AKAP14: variants seen among roughly 807,000 people sequenced by gnomAD.
The protein encoded by AKAP14 is A-kinase anchor protein 14.
Under a neutral mutation model 17.0 loss-of-function variants are expected in AKAP14, and 4 were observed. The ratio of observed to expected loss-of-function variants is 0.23; its 90% confidence interval spans 0.12 to 0.54. AKAP14 has a LOEUF of 0.54. AKAP14 is among the 20% of genes least tolerant of loss of function. AKAP14 has a pLI of 0.95. For missense variants in AKAP14, 129 were observed against 150.9 expected, an observed-to-expected ratio of 0.85 and a Z score of 0.76; for synonymous variants, 42 against 51.3, an observed-to-expected ratio of 0.82 and a Z score of 0.77.
intron 2 of AKAP14, among the ~76,000 whole-genome samples, chrX:119,900,196 G>A (rs764686596): frequency 1.8e-5 from 2 of 111,055 alleles, no homozygotes; most frequent in Non-Finnish European, 3.8e-5. Flanking sequence ...AGATTCAAGC[G>A]ATTCTCCTGC....
chrX:119,918,761 G>A lies in AKAP14; in HGVS notation c.442-1150G>A, dbSNP rs150494219. Among the ~76,000 whole-genome samples, 933 of 112,057 alleles carry A rather than the reference G, an allele frequency of 8.3e-3. 13 individuals are homozygous for A. The highest frequency in any genetic ancestry group is 0.029 in the African/African-American group (894 of 30,986). On this transcript the variant is annotated intron_variant, in intron 5 of 6. Coordinates refer to ENST00000371431, the MANE Select transcript of AKAP14 (RefSeq NM_178813.6). Reference sequence around the variant, plus strand: ...CATCCATGAATCTAGGGGAAGGGTCGTCAGAGGAGCAGGGCTGGTACCAAG... The same window carrying A: ...CATCCATGAATCTAGGGGAAGGGTCATCAGAGGAGCAGGGCTGGTACCAAG...
intron 4 of AKAP14, among the ~76,000 whole-genome samples, chrX:119,909,697 G>A (rs2056617377): frequency 9.2e-6 from 1 of 109,057 alleles, no homozygotes; most frequent in African/African-American, 3.3e-5. Flanking sequence ...GAGGTCAGGA[G>A]TTCAAGACCA....
chrX:119,916,776 C>T (rs1403085485), intron 5 of AKAP14, among the ~76,000 whole-genome samples: 2 of 96,682 alleles, frequency 2.1e-5, no homozygotes. Flanking sequence ...GCTGGGATTA[C>T]AAGCGTGAGC....
chrX:119,897,327 T>G (rs1412115884), intron 2 of AKAP14, among the ~76,000 whole-genome samples: 1 of 108,959 alleles, frequency 9.2e-6, no homozygotes, highest in Non-Finnish European at 1.9e-5. Context: ...GGCTGGCTAA[T>G]TTTTTGTATT....
intron 2 of AKAP14, among the ~76,000 whole-genome samples, chrX:119,900,110 G>A (rs1290057968): frequency 9.7e-6 from 1 of 103,089 alleles, no homozygotes. Context: ...TTTTTTTTTT[G>A]AGATGGAGTC....
At chrX:119,899,545 C>T (rs909272178) in intron 2 of AKAP14, among the ~76,000 whole-genome samples, 3 of 111,200 alleles carry the variant, frequency 2.7e-5, no homozygotes, top group African/African-American at 9.8e-5. Flanking sequence ...GCTGGGAGAG[C>T]GCCACCCTGA....
rs371770998 is a variant in AKAP14 at position 119,903,524 on chromosome X, T to A, written c.199T>A (p.Trp67Arg). Residue 67 changes from tryptophan to arginine, a missense_variant, in exon 4 of 7, where the codon TGG becomes AGG. By Grantham distance (101) the Trp-to-Arg change is moderately radical. Transcript: ENST00000371431. ...GCGAAACCCTTTGAAAAACATCAAG[T>A]GGATGACTCACGGTGAATTCACTGT... Reference protein sequence around the residue: ...EERNPLKNIKWMTHGEFTVEK... With the variant: ...EERNPLKNIKRMTHGEFTVEK... 4.1e-6 allele frequency: 5 copies of A among 1,211,619 alleles called. No homozygotes were observed. The highest frequency in any genetic ancestry group is 5.6e-6 in the Non-Finnish European group (5 of 895,494).
rs771834047 is a variant in AKAP14 at position 119,915,672 on chromosome X, G to A, written c.441+794G>A. ...AGTCGTGCGCCACCATGCCTGGCTG[G>A]TTTTTGTATTTTTAGTAGAGATGGG... On this transcript the variant is annotated intron_variant, in intron 5 of 6. Transcript: ENST00000371431. Among the ~76,000 whole-genome samples, 295 of 111,571 alleles carry A rather than the reference G, an allele frequency of 2.6e-3. 1 individual carries two copies. The Middle Eastern group carries it at 0.033, about 12-fold the overall frequency.
At chrX:119,908,284 CAAA>C (rs549133343) in intron 4 of AKAP14, among the ~76,000 whole-genome samples, 1 of 47,453 alleles carries the variant, frequency 2.1e-5, no homozygotes, top group African/African-American at 6.3e-5. Flanking sequence ...GAGACTCTGT[CAAA>C]AAAAAAAAAA....
chrX:119,911,689 A>C (rs113735784), intron 4 of AKAP14, among the ~76,000 whole-genome samples: 5,894 of 110,972 alleles, frequency 0.053, 139 homozygotes, highest in East Asian at 0.12. Context: ...TTTTGTTGAG[A>C]AAAGTGTGAC....
Position 119,914,773 on chromosome X carries a change from C to G in AKAP14, c.336C>G (p.Leu112=), listed in dbSNP as rs1027489793. The G allele has an allele frequency of 8.3e-7, 1 of 1,209,479 alleles. No homozygotes were observed. Among genetic ancestry groups the G allele is most frequent in the Admixed American group, 2.2e-5 (1 of 45,977 alleles). Residue 112 remains leucine, a synonymous_variant, in exon 5 of 7, where the codon CTC becomes CTG. Coordinates refer to ENST00000371431, the MANE Select transcript of AKAP14 (RefSeq NM_178813.6). ...GGAAAGACTTAATTCACAGCTTCCT[C>G]TACATCTACTATGTACACTGGAGTA... ...VERKDLIHSF[L]YIYYVHWSIS...
intron 2 of AKAP14, among the ~76,000 whole-genome samples, chrX:119,897,381 G>T (rs184040315): frequency 9.3e-6 from 1 of 107,456 alleles, no homozygotes; most frequent in African/African-American, 3.4e-5. Flanking sequence ...GGATGGTCTC[G>T]ATCTCCTGAC....
At chrX:119,905,854 T>C (rs2056594274) in intron 4 of AKAP14, among the ~76,000 whole-genome samples, 2 of 111,614 alleles carry the variant, frequency 1.8e-5, no homozygotes, top group Admixed American at 1.9e-4. Context: ...CTGATTCATT[T>C]TTCCCTTCGC....
chrX:119,901,145 A>T (rs1201369956), intron 2 of AKAP14, among the ~76,000 whole-genome samples: 1 of 112,043 alleles, frequency 8.9e-6, no homozygotes, highest in Non-Finnish European at 1.9e-5. Flanking sequence ...ACAAACCAGC[A>T]TCATACTAAT....
intron 4 of AKAP14, among the ~76,000 whole-genome samples, chrX:119,913,723 C>T (rs1391032885): frequency 3.6e-5 from 4 of 111,056 alleles, no homozygotes; most frequent in African/African-American, 1.3e-4. Context: ...TTGCAATGAG[C>T]CAAGATCACG....
chrX:119,905,271 G>A (rs925593003), intron 4 of AKAP14, among the ~76,000 whole-genome samples: 5 of 111,896 alleles, frequency 4.5e-5, no homozygotes, highest in Non-Finnish European at 7.5e-5. Context: ...CTGGCTCCAC[G>A]CCTTCTATGC....
rs758141576 is a variant in AKAP14, at chrX:119,910,869, T to A, written c.262-3830T>A. Among the ~76,000 whole-genome samples, 106 of 108,107 alleles carry A rather than the reference T, an allele frequency of 9.8e-4. 2 individuals are homozygous for A. The East Asian group carries it at 0.026, about 27-fold the overall frequency. The allele number at this position is 108,107 out of a possible 115,157, so 93.9% of individuals were successfully genotyped here. The stretch of plus-strand genomic sequence containing the variant: ...TAGAGACTGGATTACTCCACGTTGG[T>A]CAGGCTGGTCTCGAACTCCCGACCT... On this transcript the variant is annotated intron_variant, in intron 4 of 6. Coordinates refer to ENST00000371431, the MANE Select transcript of AKAP14 (RefSeq NM_178813.6).
At chrX:119,898,769 C>T (rs932175402) in intron 2 of AKAP14, among the ~76,000 whole-genome samples, 11 of 106,192 alleles carry the variant, frequency 1.0e-4, no homozygotes, top group Non-Finnish European at 1.9e-4. Flanking sequence ...TGCACTCCGG[C>T]CTGGGCAATA....
chrX:119,915,547 C>T (rs2056652258), intron 5 of AKAP14, among the ~76,000 whole-genome samples: 1 of 111,884 alleles, frequency 8.9e-6, no homozygotes, highest in Admixed American at 9.6e-5. Context: ...CTCTTATTGC[C>T]CAGGCTGGAG....
Sources: gnomAD v4.1 joint callset for allele counts (sites outside exome capture counted in the v4.1 genomes callset) on GRCh38, gnomAD v4.1.1 for gene constraint, MANE v1.5 for transcripts, NCBI Gene and HGNC (gene_info 2026-07-23, HGNC 2026-07-21) for gene names.